The following ITGB2 variants were observed in gnomAD, a reference collection of about 807,000 sequenced individuals.
ITGB2 encodes integrin subunit beta 2, also known as integrin beta-2.
ITGB2 carries 56 observed loss-of-function variants against 86.8 expected under a neutral mutation model. The ratio of observed to expected loss-of-function variants is 0.65; its 90% CI spans 0.52 to 0.81. The LOEUF (loss-of-function observed/expected upper bound fraction) is 0.81. Ranked by LOEUF, ITGB2 falls within the 30% of genes least tolerant of loss-of-function variation. ITGB2 has a pLI of 0.00. For missense variants in ITGB2, 948 were observed against 1,061.2 expected (o/e 0.89, Z 1.48); for synonymous variants, 457 against 450.4 (o/e 1.01, Z -0.19).
chr21:44,902,113 G>A (rs192511267), intron 5 of ITGB2, among the ~76,000 whole-genome samples: 4 of 152,356 alleles, frequency 2.6e-5, no homozygotes, highest in Non-Finnish European at 4.4e-5. Context: ...GTGTGTGCAC[G>A]TATTCCTGTA....
At chr21:44,911,614 G>GA (rs1008953147) in intron 1 of ITGB2, among the ~76,000 whole-genome samples, 9 of 152,140 alleles carry the variant, frequency 5.9e-5, no homozygotes, top group Admixed American at 5.2e-4. Context: ...TGCCAGGTGG[G>GA]AAAAAAAGTC....
In ITGB2 at chr21:44,886,218, C is replaced by T. The variant is rs550925290; in HGVS notation, c.*150G>A. ...CCCCCGACGAGCCCCCAGAAGCACC[C>T]GGCCGGCCATGGCTGTCATTTTGAG... On this transcript the variant is annotated 3_prime_UTR_variant, in exon 16 of 16. Transcript: ENST00000652462. 14 of 766,504 alleles carry T rather than the reference C, an allele frequency of 1.8e-5. No individual in the cohort carries two copies. Among genetic ancestry groups the T allele is most frequent in the Middle Eastern group, 7.2e-4 (2 of 2,780 alleles). The allele number at this position is 766,504 out of a possible 1,614,324, so 47.5% of individuals were successfully genotyped here. A position where few individuals can be genotyped will look rare whatever the true frequency, so the allele number is the denominator to read the frequency against.
intron 14 of ITGB2, among the ~76,000 whole-genome samples, chr21:44,887,843 C>T (rs1332271286): frequency 6.6e-6 from 1 of 152,230 alleles, no homozygotes; most frequent in Non-Finnish European, 1.5e-5. Context: ...ATGTCACCTA[C>T]AGGCTCAGAG....
intron 1 of ITGB2, among the ~76,000 whole-genome samples, chr21:44,915,074 A>T (rs953243073): frequency 6.6e-6 from 1 of 151,986 alleles, no homozygotes; most frequent in African/African-American, 2.4e-5. Context: ...ACCGGCCTGG[A>T]GTGCAGTGGC....
intron 4 of ITGB2, among the ~76,000 whole-genome samples, chr21:44,903,961 G>A (rs764739098): frequency 1.9e-4 from 29 of 152,126 alleles, no homozygotes; most frequent in Non-Finnish European, 3.4e-4. Flanking sequence ...CAAGGCCCAC[G>A]CGGGCCGTCC....
chr21:44,916,677 G>A (rs2084215236), intron 1 of ITGB2, among the ~76,000 whole-genome samples: 1 of 152,090 alleles, frequency 6.6e-6, no homozygotes, highest in African/African-American at 2.4e-5. Context: ...AGACCAGCCT[G>A]AGCAACATAG....
intron 9 of ITGB2, 162 bp downstream of exon 9, chr21:44,894,809 G>A (rs2083839904): frequency 4.4e-6 from 3 of 683,962 alleles, no homozygotes; most frequent in Middle Eastern, 3.5e-4. Flanking sequence ...GGGCCAGGGT[G>A]TCCTGGAGGC....
intron 5 of ITGB2, among the ~76,000 whole-genome samples, chr21:44,902,309 A>G (rs1555857570): frequency 6.6e-6 from 1 of 152,178 alleles, no homozygotes; most frequent in Non-Finnish European, 1.5e-5. Flanking sequence ...CTGTGTGTGC[A>G]TGTGTGTGCA....
chr21:44,889,769 C>T (rs2083758163), intron 12 of ITGB2, among the ~76,000 whole-genome samples: 1 of 152,202 alleles, frequency 6.6e-6, no homozygotes, highest in South Asian at 2.1e-4. Flanking sequence ...ACAAGGACGC[C>T]TTGTCCTCAT....
intron 1 of ITGB2, among the ~76,000 whole-genome samples, chr21:44,913,291 G>A (rs1285845710): frequency 1.3e-5 from 2 of 152,106 alleles, no homozygotes; most frequent in Admixed American, 6.5e-5. Flanking sequence ...TGAGGTCTCC[G>A]CCCCTAACAC....
intron 1 of ITGB2, among the ~76,000 whole-genome samples, chr21:44,912,006 G>A (rs1169986666): frequency 6.6e-6 from 1 of 152,170 alleles, no homozygotes; most frequent in Non-Finnish European, 1.5e-5. Flanking sequence ...AAGGTGGAGA[G>A]GTACTGAGAA....
At chr21:44,925,985 G>T (rs1665322566) in intron 1 of ITGB2, among the ~76,000 whole-genome samples, 1 of 152,144 alleles carries the variant, frequency 6.6e-6, no homozygotes, top group African/African-American at 2.4e-5. Context: ...GGTGCCTGTA[G>T]TCCCAGCTAC....
intron 4 of ITGB2, among the ~76,000 whole-genome samples, chr21:44,906,470 G>C (rs1220189017): frequency 6.6e-6 from 1 of 151,978 alleles, no homozygotes; most frequent in Non-Finnish European, 1.5e-5. Flanking sequence ...CAGGTGCTCT[G>C]GTCAAGTCGA....
chr21:44,915,050 G>A (rs1002369240), intron 1 of ITGB2, among the ~76,000 whole-genome samples: 4 of 152,128 alleles, frequency 2.6e-5, no homozygotes, highest in Admixed American at 2.0e-4. Context: ...TTTTTGAGAC[G>A]GAGTTGCGCT....
intron 1 of ITGB2, among the ~76,000 whole-genome samples, chr21:44,920,132 C>A (rs1168906519): frequency 6.6e-6 from 1 of 152,094 alleles, no homozygotes; most frequent in East Asian, 1.9e-4. Flanking sequence ...CCCAGAGGAG[C>A]ATGGAGCATG....
chr21:44,893,891 G>T (rs2083825730), intron 9 of ITGB2: 2 of 358,960 alleles, frequency 5.6e-6, no homozygotes, highest in African/African-American at 2.1e-5. Flanking sequence ...GAAACAGAGA[G>T]AGGCAGAGAC....
intron 4 of ITGB2, among the ~76,000 whole-genome samples, chr21:44,904,303 C>T (rs1039103694): frequency 3.3e-5 from 5 of 152,090 alleles, no homozygotes; most frequent in African/African-American, 9.7e-5. Flanking sequence ...CTCACAGACA[C>T]ACACACACGC....
chr21:44,923,653 C>T (rs143506127), upstream of ITGB2, among the ~76,000 whole-genome samples: 1,077 of 152,196 alleles, frequency 7.1e-3, 14 homozygotes, highest in African/African-American at 0.024. Flanking sequence ...TATTATTTCG[C>T]GGGTATAAAG....
At chr21:44,889,571 G>C in intron 12 of ITGB2, 76 bp from the exon 13 acceptor site, 1 of 1,304,072 alleles carries the variant, frequency 7.7e-7, no homozygotes, top group Admixed American at 2.0e-5. Flanking sequence ...CACTGCGGTT[G>C]CTCCCTCCGG....
Sources: allele counts gnomAD v4.1 joint callset (sites outside exome capture counted in the v4.1 genomes callset), GRCh38; gene constraint gnomAD v4.1.1; transcripts MANE v1.5; gene names NCBI Gene and HGNC (gene_info 2026-07-23, HGNC 2026-07-21).